PRDM6: variants seen among roughly 807,000 people sequenced by gnomAD.
PRDM6 encodes the protein putative histone-lysine N-methyltransferase PRDM6.
A neutral mutation model predicts 60.8 loss-of-function variants in PRDM6; 25 were observed. The observed-to-expected ratio is 0.41, with a 90% CI of 0.30 to 0.57. PRDM6 has a LOEUF of 0.57. Among genes scored for constraint, PRDM6 ranks in the 20% least tolerant of loss-of-function variants. The pLI is 0.27. For synonymous variants in PRDM6, 407 were observed against 357.4 expected, an observed-to-expected ratio of 1.14 and a Z score of -1.57; for missense variants, 839 against 821.3, an observed-to-expected ratio of 1.02 and a Z score of -0.26.
intron 3 of PRDM6, among the ~76,000 whole-genome samples, chr5:123,131,961 T>G (rs1275105554): frequency 1.3e-5 from 2 of 152,186 alleles, no homozygotes; most frequent in Non-Finnish European, 1.5e-5. Context: ...AAAGACAAAA[T>G]GGAAATAGTA....
chr5:123,178,232 A>G (rs1271340017), intron 6 of PRDM6, among the ~76,000 whole-genome samples: 1 of 152,220 alleles, frequency 6.6e-6, no homozygotes, highest in Admixed American at 6.5e-5. Context: ...GGTTTTATTT[A>G]GTGGCTTATT....
rs1314099033 is a variant in PRDM6, at chr5:123,193,157, A to G, written c.*5956A>G. The G allele has an allele frequency of 5.3e-5, 8 of 152,194 alleles. No individual in the cohort carries two copies. The highest frequency in any genetic ancestry group is 2.0e-4 in the Admixed American group (3 of 15,270). 9.4% of individuals were successfully genotyped at this position (152,194 alleles called of 1,614,324 possible). A position where few individuals can be genotyped will look rare whatever the true frequency, so the allele number is the denominator to read the frequency against. On this transcript the variant is annotated 3_prime_UTR_variant, in exon 8 of 8. Coordinates refer to ENST00000407847, the MANE Select transcript of PRDM6 (RefSeq NM_001136239.4). ...GGGCACATTTGTTTGTTGAAATGAT[A>G]AATATATTTTCCTTGTCAAACATGG...
At position 123,099,921 on chromosome 5, in the gene PRDM6, T is replaced by C. The variant is rs1256748827; in HGVS notation, c.860T>C (p.Val287Ala). Residue 287 changes from valine to alanine, a missense_variant, in exon 3 of 8, where the codon GTG becomes GCG. Coordinates refer to ENST00000407847, the MANE Select transcript of PRDM6 (RefSeq NM_001136239.4). The surrounding 1 kb of genome is among the most constrained non-coding windows in gnomAD (Gnocchi z 4.0). ...GGCGTGCTTCTGCCCCCAGAGAAGG[T>C]GCAGGCAGGCGCCGTGAGGAACACG... ...FQGVLLPPEK[V>A]QAGAVRNTQH... 6.5e-7 allele frequency: 1 copy of C among 1,541,682 alleles called. No homozygotes were observed. The highest frequency in any genetic ancestry group is 8.8e-7 in the Non-Finnish European group (1 of 1,141,034).
At chr5:123,100,625 T>G (rs1764080888) in intron 3 of PRDM6, among the ~76,000 whole-genome samples, 1 of 152,226 alleles carries the variant, frequency 6.6e-6, no homozygotes, top group Admixed American at 6.5e-5. Context: ...GAACGGAAAT[T>G]ATGTAATCTT....
At chr5:123,119,844 GTAGACGCATTTTTTAAA>G (rs1261363332) in intron 3 of PRDM6, among the ~76,000 whole-genome samples, 35 of 152,184 alleles carry the variant, frequency 2.3e-4, no homozygotes, top group Admixed American at 2.1e-3. Flanking sequence ...GTCAAGCTAA[GTAGACGCATTTTTTAAA>G]TGAAAATACA....
At chr5:123,181,157 A>G (rs1175236510) in intron 7 of PRDM6, among the ~76,000 whole-genome samples, 2 of 152,234 alleles carry the variant, frequency 1.3e-5, no homozygotes, top group African/African-American at 4.8e-5. Flanking sequence ...CCAAGTATGT[A>G]CTTTTTTGCT....
chr5:123,156,279 A>G (rs115374444), intron 4 of PRDM6, among the ~76,000 whole-genome samples: 1 of 152,134 alleles, frequency 6.6e-6, no homozygotes. Flanking sequence ...TAGAACTTCC[A>G]GAATGGTCTG....
intron 5 of PRDM6, among the ~76,000 whole-genome samples, chr5:123,160,557 T>G (rs1291148346): frequency 6.6e-6 from 1 of 150,862 alleles, no homozygotes; most frequent in Non-Finnish European, 1.5e-5. Context: ...GTTTTTAAAA[T>G]TTTCTTCTCC....
chr5:123,100,036 G>A, intron 3 of PRDM6, 75 bp downstream of exon 3: 1 of 1,408,190 alleles, frequency 7.1e-7, no homozygotes, highest in Non-Finnish European at 9.4e-7. Flanking sequence ...CCGGCAGGGA[G>A]CCTGGCCTTT....
Position 123,188,526 on chromosome 5 carries a change from G to A in PRDM6, c.*1325G>A, listed in dbSNP as rs1370333151. 1.3e-5 allele frequency: 2 copies of A among 152,158 alleles called. No individual in the cohort carries two copies. Among genetic ancestry groups the A allele is most frequent in the African/African-American group, 4.8e-5 (2 of 41,436 alleles). 9.4% of individuals were successfully genotyped at this position (152,158 alleles called of 1,614,324 possible). A position where few individuals can be genotyped will look rare whatever the true frequency, so the allele number is the denominator to read the frequency against. The stretch of plus-strand genomic sequence containing the variant: ...GATCTAGTTTTGGGAAGAGCTGATA[G>A]CTCCCAGCAGCATCTCAGCGACTGT... On this transcript the variant is annotated 3_prime_UTR_variant, in exon 8 of 8. Transcript: ENST00000407847.
At chr5:123,120,487 A>G (rs1764556715) in intron 3 of PRDM6, among the ~76,000 whole-genome samples, 1 of 151,560 alleles carries the variant, frequency 6.6e-6, no homozygotes, top group Non-Finnish European at 1.5e-5. Flanking sequence ...TTTTTAATAT[A>G]AAATTAAGGG....
intron 3 of PRDM6, among the ~76,000 whole-genome samples, chr5:123,127,980 C>T (rs1764731070): frequency 6.6e-6 from 1 of 151,788 alleles, no homozygotes; most frequent in Non-Finnish European, 1.5e-5. Context: ...CAAGTGTTCT[C>T]ATTGTTCAAT....
At chr5:123,090,645 C>G (rs555964161) in intron 2 of PRDM6, 39 bp downstream of exon 2, 4 of 446,598 alleles carry the variant, frequency 9.0e-6, no homozygotes, top group East Asian at 1.6e-4. Context: ...CCCGGGGCGC[C>G]GGCGCCGGCG....
In PRDM6 at chr5:123,171,035, T is replaced by C; in HGVS notation, c.1423T>C (p.Cys475Arg). ...SEFSDWHLWK[C>R]GQCFKTFTQR... is the part of the protein sequence containing the mutation. ...GTTCAGTGACTGGCATCTTTGGAAA[T>C]GTGGGCAGTGCTTTAAGACTTTCAC... Residue 475 changes from cysteine to arginine, a missense_variant, in exon 6 of 8, where the codon TGT becomes CGT. By Grantham distance (180) the Cys-to-Arg change is radical. This residue lies in a region of PRDM6 where 109 missense variants were observed against 172.6 expected (regional missense o/e 0.63). Transcript: ENST00000407847. 6.4e-7 allele frequency: 1 copy of C among 1,552,088 alleles called. No individual in the cohort carries two copies. The highest frequency in any genetic ancestry group is 8.7e-7 in the Non-Finnish European group (1 of 1,147,076).
intron 3 of PRDM6, among the ~76,000 whole-genome samples, chr5:123,114,405 C>T (rs1043037601): frequency 2.6e-5 from 4 of 152,192 alleles, no homozygotes; most frequent in African/African-American, 9.7e-5. Flanking sequence ...TTTAGAGTCA[C>T]ATCTCCCAAG....
chr5:123,166,100 C>T (rs1487347760), intron 5 of PRDM6, among the ~76,000 whole-genome samples: 3 of 152,204 alleles, frequency 2.0e-5, no homozygotes, highest in Admixed American at 6.5e-5. Context: ...TCAGATATTT[C>T]CGTGGCCTGT....
intron 3 of PRDM6, among the ~76,000 whole-genome samples, chr5:123,142,247 A>G (rs1232604089): frequency 6.6e-6 from 1 of 152,156 alleles, no homozygotes; most frequent in East Asian, 1.9e-4. Context: ...ATAGTCATCA[A>G]TTCATAGGGT....
rs555901640 is a variant in PRDM6, at chr5:123,155,499, C to A, written c.901-385C>A. Among the ~76,000 whole-genome samples the A allele has an allele frequency of 5.4e-4, 82 of 152,094 alleles. 2 individuals are homozygous for A. The highest frequency in any genetic ancestry group is 1.6e-4 in the Non-Finnish European group (11 of 67,996). ...CCTCTGGGCAGTTGTGTGTTTGAGA[C>A]TGGGGGGCCTCGAATGTGGATGTTC... is the stretch of plus-strand genomic sequence containing the variant. On this transcript the variant is annotated intron_variant, in intron 3 of 7. Coordinates refer to ENST00000407847, the MANE Select transcript of PRDM6 (RefSeq NM_001136239.4).
At chr5:123,132,298 C>T (rs1425802908) in intron 3 of PRDM6, among the ~76,000 whole-genome samples, 1 of 152,038 alleles carries the variant, frequency 6.6e-6, no homozygotes, top group Non-Finnish European at 1.5e-5. Flanking sequence ...TTAGGCCTTT[C>T]AAAATTAGAA....
Sources: gnomAD v4.1 joint callset for allele counts (sites outside exome capture counted in the v4.1 genomes callset) on GRCh38, gnomAD v4.1.1 for gene constraint, gnomAD v4.1.1 regional missense constraint, Gnocchi (gnomAD v3.1) non-coding constraint, MANE v1.5 for transcripts, NCBI Gene and HGNC (gene_info 2026-07-23, HGNC 2026-07-21) for gene names.